The following CERS6 variants were observed in gnomAD, a reference collection of about 807,000 sequenced individuals.
CERS6 encodes LAG1 homolog, ceramide synthase 6.
CERS6 carries 26 observed loss-of-function variants against 56.8 expected under a neutral mutation model. That is an observed-to-expected ratio of 0.46 (90% CI 0.34 to 0.63). CERS6 has a LOEUF of 0.63. Ranked by LOEUF, CERS6 falls within the 30% of genes least tolerant of loss-of-function variation. The pLI, the probability that CERS6 is intolerant of heterozygous loss-of-function variation, is 0.01. For missense variants in CERS6, 415 were observed against 467.5 expected, an observed-to-expected ratio of 0.89 and a Z score of 1.04; for synonymous variants, 164 against 173.3, an observed-to-expected ratio of 0.95 and a Z score of 0.42.
chr2:168,511,635 T>C (rs184159545), intron 1 of CERS6, among the ~76,000 whole-genome samples: 1 of 152,352 alleles, frequency 6.6e-6, no homozygotes, highest in African/African-American at 2.4e-5. Context: ...TTTGAAAATG[T>C]CTTTATAATC....
chr2:168,512,111 A>G (rs566401908), intron 1 of CERS6, among the ~76,000 whole-genome samples: 15 of 152,328 alleles, frequency 9.8e-5, no homozygotes, highest in South Asian at 8.3e-4. Context: ...TTCCACTCAT[A>G]TAAGGTACCT....
chr2:168,689,106 A>AT (rs1365244286), intron 4 of CERS6, among the ~76,000 whole-genome samples: 1 of 152,172 alleles, frequency 6.6e-6, no homozygotes, highest in African/African-American at 2.4e-5. Flanking sequence ...GGACTGATAA[A>AT]TTTAGATGAA....
At chr2:168,623,046 A>C (rs1684510352) in intron 3 of CERS6, among the ~76,000 whole-genome samples, 1 of 152,192 alleles carries the variant, frequency 6.6e-6, no homozygotes, top group Admixed American at 6.5e-5. Context: ...GTTGATGAAC[A>C]TCTCCATTGA....
intron 1 of CERS6, among the ~76,000 whole-genome samples, chr2:168,519,100 G>A (rs942179732): frequency 6.6e-6 from 1 of 152,180 alleles, no homozygotes; most frequent in Non-Finnish European, 1.5e-5. Context: ...TGCTGTAGGT[G>A]TGCAATAAGG....
intron 5 of CERS6, among the ~76,000 whole-genome samples, chr2:168,692,066 A>G (rs1441741486): frequency 6.6e-6 from 1 of 152,172 alleles, no homozygotes; most frequent in Non-Finnish European, 1.5e-5. Context: ...CGTTAAGGAC[A>G]CATTGAATTG....
chr2:168,712,146 C>T (rs1377761736), intron 6 of CERS6, among the ~76,000 whole-genome samples: 1 of 152,136 alleles, frequency 6.6e-6, no homozygotes, highest in Non-Finnish European at 1.5e-5. Context: ...AAGTACAAGG[C>T]AGTTCAGAAA....
intron 4 of CERS6, among the ~76,000 whole-genome samples, chr2:168,678,087 C>G (rs1284434648): frequency 1.3e-5 from 2 of 152,194 alleles, no homozygotes; most frequent in Non-Finnish European, 2.9e-5. Context: ...CGCTTTTACA[C>G]TGTTGGTGGG....
intron 3 of CERS6, among the ~76,000 whole-genome samples, chr2:168,584,866 G>C (rs1683504090): frequency 2.6e-5 from 4 of 152,212 alleles, no homozygotes; most frequent in Admixed American, 1.3e-4. Flanking sequence ...GCAAGGCTTG[G>C]ATTAGTTTCC....
In CERS6 at chr2:168,730,440, C is replaced by T. The variant is rs78119261; in HGVS notation, c.845+12462C>T. On this transcript the variant is annotated intron_variant, in intron 8 of 9. Transcript: ENST00000305747. Reference sequence around the variant, plus strand: ...GTTGTATGTTGGCTCCTGAGTGAAGCAAAGAGAGAGGGCAGCATGGGAAGG... The same window carrying T: ...GTTGTATGTTGGCTCCTGAGTGAAGTAAAGAGAGAGGGCAGCATGGGAAGG... Among the ~76,000 whole-genome samples the T allele has an allele frequency of 6.7e-3, 1,015 of 152,198 alleles. 29 individuals carry two copies. The highest frequency in any genetic ancestry group is 0.053 in the Admixed American group (809 of 15,294).
chr2:168,534,529 T>C (rs1163615342), intron 1 of CERS6, among the ~76,000 whole-genome samples: 3 of 152,038 alleles, frequency 2.0e-5, no homozygotes, highest in South Asian at 4.2e-4. Flanking sequence ...CAGGCCCTAT[T>C]CATCTGGCTC....
At chr2:168,594,825 C>A (rs191727925) in intron 3 of CERS6, among the ~76,000 whole-genome samples, 2 of 152,142 alleles carry the variant, frequency 1.3e-5, no homozygotes, top group Admixed American at 6.5e-5. Flanking sequence ...TAGCCATTAG[C>A]CACTCTTTAG....
chr2:168,463,827 C>G (rs753861994), intron 1 of CERS6, among the ~76,000 whole-genome samples: 4 of 152,062 alleles, frequency 2.6e-5, no homozygotes, highest in African/African-American at 4.8e-5. Context: ...GAGGATCACT[C>G]GAGCTTGGGA....
intron 3 of CERS6, among the ~76,000 whole-genome samples, chr2:168,596,905 G>T (rs952214730): frequency 1.3e-5 from 2 of 152,116 alleles, no homozygotes; most frequent in Non-Finnish European, 2.9e-5. Context: ...CTTTTTGTTT[G>T]CTCTAATATA....
chr2:168,573,303 G>A (rs1413793382), intron 3 of CERS6, among the ~76,000 whole-genome samples: 1 of 152,118 alleles, frequency 6.6e-6, no homozygotes, highest in Non-Finnish European at 1.5e-5. Flanking sequence ...CTGGGGACAG[G>A]GCTGAGTCAT....
At chr2:168,517,691 A>G (rs1694908480) in intron 1 of CERS6, among the ~76,000 whole-genome samples, 1 of 152,206 alleles carries the variant, frequency 6.6e-6, no homozygotes, top group Admixed American at 6.5e-5. Context: ...AAAGAGACAC[A>G]GGCATCTTAT....
chr2:168,500,489 T>C (rs1462352629), intron 1 of CERS6, among the ~76,000 whole-genome samples: 1 of 152,220 alleles, frequency 6.6e-6, no homozygotes, highest in Non-Finnish European at 1.5e-5. Context: ...AGGAAGCCTG[T>C]GGACATATCC....
chr2:168,621,116 A>G (rs1314449075), intron 3 of CERS6, among the ~76,000 whole-genome samples: 1 of 152,196 alleles, frequency 6.6e-6, no homozygotes, highest in African/African-American at 2.4e-5. Flanking sequence ...ATCAGTGCTG[A>G]AGAAGTGACT....
At chr2:168,569,887 A>G (rs1053491349) in intron 3 of CERS6, among the ~76,000 whole-genome samples, 1 of 152,214 alleles carries the variant, frequency 6.6e-6, no homozygotes, top group Non-Finnish European at 1.5e-5. Flanking sequence ...ATGAATTAAT[A>G]TATATAAATA....
chr2:168,644,384 G>A (rs1212511575), intron 4 of CERS6: 3 of 983,332 alleles, frequency 3.1e-6, no homozygotes, highest in Non-Finnish European at 3.6e-6. Context: ...CAGCAGATAT[G>A]AGAATGATGA....
Sources: gnomAD v4.1 joint callset for allele counts (sites outside exome capture counted in the v4.1 genomes callset) on GRCh38, gnomAD v4.1.1 for gene constraint, MANE v1.5 for transcripts, NCBI Gene and HGNC (gene_info 2026-07-23, HGNC 2026-07-21) for gene names.